The following CAMK2A variants were observed in gnomAD, a reference collection of about 807,000 sequenced individuals.
CAMK2A encodes calcium/calmodulin-dependent protein kinase type II subunit alpha.
Under a neutral mutation model 79.2 loss-of-function variants are expected in CAMK2A, and 7 were observed. That is an observed-to-expected ratio of 0.09 (90% confidence interval 0.05 to 0.17). The LOEUF (loss-of-function observed/expected upper bound fraction) is 0.17. Ranked by LOEUF, CAMK2A falls within the 10% of genes least tolerant of loss-of-function variation. The pLI is 1.00. For missense variants in CAMK2A, 214 were observed against 646.4 expected, an observed-to-expected ratio of 0.33 and a Z score of 7.25; for synonymous variants, 242 against 251.7, an observed-to-expected ratio of 0.96 and a Z score of 0.36.
chr5:150,223,305 C>A lies in CAMK2A; in HGVS notation c.1238-88G>T, dbSNP rs1754433866. 9.0e-7 allele frequency: 1 copy of A among 1,105,880 alleles called. No individual in the cohort carries two copies. Among genetic ancestry groups the A allele is most frequent in the East Asian group, 2.5e-5 (1 of 39,454 alleles). The allele number at this position is 1,105,880 out of a possible 1,614,324, so 68.5% of individuals were successfully genotyped here. On this transcript the variant is annotated intron_variant, in intron 17 of 18. Coordinates refer to ENST00000671881, the MANE Select transcript of CAMK2A (RefSeq NM_015981.4). This position sits in a 1 kb window ranked among gnomAD's most constrained non-coding sequence, Gnocchi z 4.1. ...CACTTTCTCCACTCCCAGCAGCCCT[C>A]TCAATGGAGGCGCCCTGCCTGACTC...
chr5:150,279,541 T>A (rs1170327698), intron 1 of CAMK2A, among the ~76,000 whole-genome samples: 5 of 152,200 alleles, frequency 3.3e-5, no homozygotes, highest in African/African-American at 1.2e-4. Flanking sequence ...CAATGCCTTG[T>A]GTAGGCATCA....
intron 12 of CAMK2A, among the ~76,000 whole-genome samples, chr5:150,245,731 A>T (rs1191133410): frequency 6.6e-6 from 1 of 152,220 alleles, no homozygotes; most frequent in African/African-American, 2.4e-5. Flanking sequence ...CCACCCTGCC[A>T]GAGCACCCAT....
intron 1 of CAMK2A, among the ~76,000 whole-genome samples, chr5:150,274,140 T>C (rs1756861100): frequency 6.6e-6 from 1 of 152,258 alleles, no homozygotes; most frequent in Admixed American, 6.5e-5. Context: ...AATGGCAATT[T>C]GCTGTAATTT....
intron 3 of CAMK2A, among the ~76,000 whole-genome samples, chr5:150,263,570 C>T (rs1400700124): frequency 6.6e-6 from 1 of 151,860 alleles, no homozygotes; most frequent in African/African-American, 2.4e-5. Flanking sequence ...GTCACATACA[C>T]ACACACATAC....
In CAMK2A at chr5:150,256,488, G is replaced by A; in HGVS notation, c.411+85C>T. On this transcript the variant is annotated intron_variant, in intron 6 of 18. Coordinates refer to ENST00000671881, the MANE Select transcript of CAMK2A (RefSeq NM_015981.4). This position sits in a 1 kb window ranked among gnomAD's most constrained non-coding sequence, Gnocchi z 4.6. ...AACACAGAGAAATTAAAGCGATTCTGATAATGTCCAGCTCTGCAGGATTAG... is the reference window on the plus strand; with the variant it reads ...AACACAGAGAAATTAAAGCGATTCTAATAATGTCCAGCTCTGCAGGATTAG... 1.1e-6 allele frequency: 1 copy of A among 895,602 alleles called. No individual in the cohort carries two copies. 55.5% of individuals were successfully genotyped at this position (895,602 alleles called of 1,614,324 possible). A position where few individuals can be genotyped will look rare whatever the true frequency, so the allele number is the denominator to read the frequency against.
intron 13 of CAMK2A, among the ~76,000 whole-genome samples, chr5:150,242,478 C>T (rs1386942098): frequency 1.3e-5 from 2 of 152,178 alleles, no homozygotes; most frequent in African/African-American, 4.8e-5. Flanking sequence ...TCAGTTAAGC[C>T]CCGGATGAAA....
At chr5:150,228,474 A>G (rs1024925511) in intron 16 of CAMK2A, among the ~76,000 whole-genome samples, 188 bp from the exon 17 acceptor site, 7 of 152,148 alleles carry the variant, frequency 4.6e-5, no homozygotes, top group African/African-American at 1.7e-4. Context: ...TGCCATCTAG[A>G]TCCGGGAAGC....
intron 3 of CAMK2A, 82 bp from the exon 4 acceptor site, chr5:150,257,699 A>G: frequency 9.2e-7 from 1 of 1,088,100 alleles, no homozygotes; most frequent in Non-Finnish European, 1.4e-6. Flanking sequence ...TCCCGTGTAT[A>G]TCCAACACCC....
intron 1 of CAMK2A, among the ~76,000 whole-genome samples, chr5:150,288,090 A>C (rs1757503713): frequency 6.6e-6 from 1 of 152,012 alleles, no homozygotes; most frequent in Non-Finnish European, 1.5e-5. Flanking sequence ...CTGTGAGCCC[A>C]GGCCTCACAC....
At chr5:150,241,456 G>A (rs569234887) in intron 13 of CAMK2A, among the ~76,000 whole-genome samples, 115 of 79,754 alleles carry the variant, frequency 1.4e-3, no homozygotes, top group Non-Finnish European at 2.0e-3. Flanking sequence ...CTTTTACTCC[G>A]TTCCCTCGCC....
At position 150,220,681 on chromosome 5, in the gene CAMK2A, C is replaced by T. The variant is rs964171474; in HGVS notation, c.*2029G>A. 6.6e-6 allele frequency: 1 copy of T among 152,236 alleles called. No homozygotes were observed. Among genetic ancestry groups the T allele is most frequent in the Non-Finnish European group, 1.5e-5 (1 of 68,010 alleles). 9.4% of individuals were successfully genotyped at this position (152,236 alleles called of 1,614,324 possible). On this transcript the variant is annotated 3_prime_UTR_variant, in exon 19 of 19. Coordinates refer to ENST00000671881, the MANE Select transcript of CAMK2A (RefSeq NM_015981.4). The stretch of plus-strand genomic sequence containing the variant: ...GGGATCACTGGGCCTTACTGGGAAG[C>T]CCTCTGGGCCTGGGGCAGGCCAAGA...
chr5:150,275,917 C>A (rs558821602), intron 1 of CAMK2A, among the ~76,000 whole-genome samples: 9 of 151,992 alleles, frequency 5.9e-5, no homozygotes, highest in Admixed American at 5.9e-4. Context: ...CCCCAGCCCC[C>A]CTCCCCTCCC....
Position 150,256,747 on chromosome 5 carries a change from G to T in CAMK2A, c.338+19C>A, listed in dbSNP as rs890953135. On this transcript the variant is annotated intron_variant, in intron 5 of 18. Coordinates refer to ENST00000671881, the MANE Select transcript of CAMK2A (RefSeq NM_015981.4). This position sits in a 1 kb window ranked among gnomAD's most constrained non-coding sequence, Gnocchi z 4.6. ...GCCCTGTCCCCGGGTGCCATTGCCA[G>T]GCAGCACCTGACACTCACCTGGCAT... 5 of 1,613,226 alleles carry T rather than the reference G, an allele frequency of 3.1e-6. No homozygotes were observed. In the African/African-American group the frequency reaches 6.7e-5, roughly 22 times the overall value.
chr5:150,222,884 C>T (rs1754389025), intron 18 of CAMK2A, 105 bp downstream of exon 18: 2 of 1,398,000 alleles, frequency 1.4e-6, no homozygotes, highest in South Asian at 1.2e-5. Context: ...CCCCACTCTG[C>T]AGCCTTTCAG....
chr5:150,245,240 C>A (rs1277102911), intron 12 of CAMK2A, 39 bp from the exon 13 acceptor site: 1 of 1,598,504 alleles, frequency 6.3e-7, no homozygotes, highest in Admixed American at 1.7e-5. Flanking sequence ...CAACGCCAGG[C>A]AGGGCACCAG....
At chr5:150,277,527 T>G (rs1020255552) in intron 1 of CAMK2A, among the ~76,000 whole-genome samples, 2 of 152,250 alleles carry the variant, frequency 1.3e-5, no homozygotes, top group Non-Finnish European at 1.5e-5. Flanking sequence ...AAGCCATACG[T>G]GCTGAAGTTC....
At chr5:150,263,432 ACACACATT>A (rs1756376688) in intron 3 of CAMK2A, among the ~76,000 whole-genome samples, 1 of 151,654 alleles carries the variant, frequency 6.6e-6, no homozygotes, top group African/African-American at 2.4e-5. Flanking sequence ...GCACATTCAC[ACACACATT>A]CACACACTCA....
Position 150,221,934 on chromosome 5 carries a change from G to A in CAMK2A, c.*776C>T. The A allele has an allele frequency of 4.1e-6, 1 of 243,884 alleles. No homozygotes were observed. Among genetic ancestry groups the A allele is most frequent in the Non-Finnish European group, 7.8e-6 (1 of 127,646 alleles). The allele number at this position is 243,884 out of a possible 1,614,324, so 15.1% of individuals were successfully genotyped here. A position where few individuals can be genotyped will look rare whatever the true frequency, so the allele number is the denominator to read the frequency against. ...TATAAAAAGGCATGCGGTCCAAGTA[G>A]AAGTGATACCTAAACGTTGCTTTCT... On this transcript the variant is annotated 3_prime_UTR_variant, in exon 19 of 19. Coordinates refer to ENST00000671881, the MANE Select transcript of CAMK2A (RefSeq NM_015981.4).
intron 12 of CAMK2A, among the ~76,000 whole-genome samples, chr5:150,247,228 G>A (rs570499230): frequency 1.5e-3 from 225 of 152,372 alleles, no homozygotes; most frequent in African/African-American, 5.2e-3. Context: ...GGTCAAACCT[G>A]TGCTGAATGC....
Sources: allele counts gnomAD v4.1 joint callset (sites outside exome capture counted in the v4.1 genomes callset), GRCh38; gene constraint gnomAD v4.1.1; non-coding constraint Gnocchi (gnomAD v3.1); transcripts MANE v1.5; gene names NCBI Gene and HGNC (gene_info 2026-07-23, HGNC 2026-07-21).